EYS: variants seen among roughly 807,000 people sequenced by gnomAD.
EYS encodes the protein protein eyes shut homolog.
In EYS, 250 loss-of-function variants were observed where a neutral mutation model predicts 282.1. That is an observed-to-expected ratio of 0.89 (90% confidence interval 0.80 to 0.98). The LOEUF (loss-of-function observed/expected upper bound fraction) is 0.98, where lower values mean the gene tolerates loss of function less well. Ranked by LOEUF, EYS falls within the 50% of genes least tolerant of loss-of-function variation. The probability of loss-of-function intolerance (pLI) is 0.00; values close to 1 mark genes in which losing one functional copy is unlikely to be tolerated. For synonymous variants in EYS, 1,355 were observed against 1,282.9 expected (o/e 1.06, Z -1.20); for missense variants, 4,016 against 3,709.0 (o/e 1.08, Z -2.15).
chr6:64,703,656 T>C (rs1419848445), intron 22 of EYS, among the ~76,000 whole-genome samples: 1 of 151,530 alleles, frequency 6.6e-6, no homozygotes, highest in Non-Finnish European at 1.5e-5. Flanking sequence ...CATTACAACA[T>C]TCATGAAGAG....
At chr6:65,613,102 C>T (rs1373984983) in intron 2 of EYS, among the ~76,000 whole-genome samples, 2 of 151,766 alleles carry the variant, frequency 1.3e-5, no homozygotes, top group African/African-American at 4.8e-5. Flanking sequence ...TTTGCTTCAA[C>T]TATTTCCATT....
intron 31 of EYS, among the ~76,000 whole-genome samples, chr6:64,182,827 C>T (rs1764826325): frequency 6.6e-6 from 1 of 152,134 alleles, no homozygotes; most frequent in African/African-American, 2.4e-5. Flanking sequence ...TACACACTTT[C>T]CTGTGCCTGC....
At chr6:63,789,276 T>C in intron 37 of EYS, 52 bp from the exon 38 acceptor site, 1 of 1,510,514 alleles carries the variant, frequency 6.6e-7, no homozygotes, top group Admixed American at 2.0e-5. Context: ...ATTCAGGAGT[T>C]CCGTCAGCTT....
chr6:64,929,185 G>A (rs1768621876), intron 15 of EYS, among the ~76,000 whole-genome samples: 1 of 152,070 alleles, frequency 6.6e-6, no homozygotes, highest in Non-Finnish European at 1.5e-5. Flanking sequence ...CACAGAGATA[G>A]GCCCTCACAC....
intron 31 of EYS, among the ~76,000 whole-genome samples, chr6:64,142,371 A>T (rs999550504): frequency 2.0e-5 from 3 of 151,962 alleles, no homozygotes; most frequent in Admixed American, 6.6e-5. Flanking sequence ...AAAGGGCTTG[A>T]CTTAGCCAGA....
chr6:65,617,091 C>G lies in EYS; in HGVS notation c.-333+22687G>C, dbSNP rs567525689. Among the ~76,000 whole-genome samples, 6 of 152,180 alleles carry G rather than the reference C, an allele frequency of 3.9e-5. No individual in the cohort carries two copies. In the South Asian group the frequency reaches 1.2e-3, roughly 32 times the overall value. Reference sequence around the variant, plus strand: ...AAATATTTTTTATACTTTCTTTGATCTTCAGTTCAGGTGATTTTAAATAAT... The same window carrying G: ...AAATATTTTTTATACTTTCTTTGATGTTCAGTTCAGGTGATTTTAAATAAT... On this transcript the variant is annotated intron_variant, in intron 2 of 42. Coordinates refer to ENST00000503581, the MANE Select transcript of EYS (RefSeq NM_001142800.2).
chr6:65,307,308 G>A (rs1392598092), intron 11 of EYS, among the ~76,000 whole-genome samples: 1 of 151,258 alleles, frequency 6.6e-6, no homozygotes, highest in African/African-American at 2.4e-5. Context: ...AGTTGGATCT[G>A]CCTTGTCATG....
At chr6:64,145,873 A>G (rs113664672) in intron 31 of EYS, among the ~76,000 whole-genome samples, 8,361 of 152,204 alleles carry the variant, frequency 0.055, 766 homozygotes, top group African/African-American at 0.19. Context: ...AATTTATCAT[A>G]AAGCTCATGT....
At chr6:64,090,384 C>A (rs1287022967) in intron 31 of EYS, among the ~76,000 whole-genome samples, 1 of 152,092 alleles carries the variant, frequency 6.6e-6, no homozygotes, top group Non-Finnish European at 1.5e-5. Context: ...ATATAGGTAA[C>A]CTAAACTTAA....
At chr6:64,037,028 G>T (rs1770157238) in intron 33 of EYS, among the ~76,000 whole-genome samples, 2 of 152,224 alleles carry the variant, frequency 1.3e-5, no homozygotes, top group South Asian at 4.2e-4. Context: ...GCCTCAGATG[G>T]CCATGGAACA....
At chr6:65,500,882 C>G (rs1040509636) in intron 2 of EYS, among the ~76,000 whole-genome samples, 1 of 151,812 alleles carries the variant, frequency 6.6e-6, no homozygotes, top group African/African-American at 2.4e-5. Flanking sequence ...CACAGATGAG[C>G]TGAAGAATGA....
intron 12 of EYS, among the ~76,000 whole-genome samples, chr6:65,229,773 C>T (rs906948662): frequency 3.9e-5 from 6 of 151,910 alleles, no homozygotes; most frequent in African/African-American, 1.4e-4. Flanking sequence ...ACTGAGAAGT[C>T]TCAAGTGTGA....
At chr6:65,616,529 T>A (rs1053214270) in intron 2 of EYS, among the ~76,000 whole-genome samples, 4 of 152,166 alleles carry the variant, frequency 2.6e-5, no homozygotes, top group African/African-American at 9.7e-5. Flanking sequence ...GGATCACACC[T>A]GTAATCCTAG....
chr6:63,817,415 T>C (rs1365351307), intron 36 of EYS, among the ~76,000 whole-genome samples: 1 of 152,012 alleles, frequency 6.6e-6, no homozygotes, highest in African/African-American at 2.4e-5. Flanking sequence ...GGTCCGGTAA[T>C]GGGGGCTGCT....
intron 22 of EYS, among the ~76,000 whole-genome samples, chr6:64,709,487 T>C (rs185413035): frequency 2.3e-3 from 356 of 152,294 alleles, no homozygotes; most frequent in African/African-American, 8.2e-3. Flanking sequence ...ATTTTAAATA[T>C]TTTAATTATT....
intron 26 of EYS, among the ~76,000 whole-genome samples, chr6:64,493,518 G>T (rs1300261827): frequency 6.6e-6 from 1 of 151,548 alleles, no homozygotes; most frequent in Non-Finnish European, 1.5e-5. Context: ...TTTACATATA[G>T]ATGATCAATT....
intron 26 of EYS, among the ~76,000 whole-genome samples, chr6:64,565,614 G>A (rs1350304604): frequency 6.6e-6 from 1 of 152,034 alleles, no homozygotes; most frequent in South Asian, 2.1e-4. Flanking sequence ...GGAGGTAGGG[G>A]AAAATGGGGA....
chr6:65,264,200 G>C (rs749382868), intron 12 of EYS, among the ~76,000 whole-genome samples: 1 of 152,006 alleles, frequency 6.6e-6, no homozygotes, highest in Non-Finnish European at 1.5e-5. Flanking sequence ...CCAATTTAAA[G>C]TTATTTACCA....
chr6:64,615,721 C>T (rs969400644), intron 24 of EYS, among the ~76,000 whole-genome samples: 1 of 152,056 alleles, frequency 6.6e-6, no homozygotes, highest in African/African-American at 2.4e-5. Flanking sequence ...CTCATTGTAG[C>T]ATTTCACACA....
Sources: allele counts gnomAD v4.1 joint callset (sites outside exome capture counted in the v4.1 genomes callset), GRCh38; gene constraint gnomAD v4.1.1; transcripts MANE v1.5; gene names NCBI Gene and HGNC (gene_info 2026-07-23, HGNC 2026-07-21).